PCSK2: variants seen among roughly 807,000 people sequenced by gnomAD.
PCSK2 encodes neuroendocrine convertase 2.
PCSK2 carries 14 observed loss-of-function variants against 69.7 expected under a neutral mutation model. That is an observed-to-expected ratio of 0.20 (90% confidence interval 0.13 to 0.31). The LOEUF is 0.31. Ranked by LOEUF, PCSK2 falls within the 10% of genes least tolerant of loss-of-function variation. The pLI is 1.00. For synonymous variants in PCSK2, 307 were observed against 320.7 expected (o/e 0.96, Z 0.46); for missense variants, 544 against 842.5 (o/e 0.65, Z 4.39).
intron 5 of PCSK2, among the ~76,000 whole-genome samples, chr20:17,385,961 A>G (rs1043388546): frequency 6.6e-6 from 1 of 152,214 alleles, no homozygotes; most frequent in Non-Finnish European, 1.5e-5. Flanking sequence ...CTGCCATATC[A>G]TTGGTGAATT....
intron 4 of PCSK2, among the ~76,000 whole-genome samples, chr20:17,367,764 C>G (rs1398489572): frequency 6.6e-6 from 1 of 152,166 alleles, no homozygotes; most frequent in Non-Finnish European, 1.5e-5. Context: ...TCCCAAAGCA[C>G]CGGGATTACA....
At chr20:17,236,615 A>G (rs534369663) in intron 1 of PCSK2, among the ~76,000 whole-genome samples, 23 of 152,296 alleles carry the variant, frequency 1.5e-4, no homozygotes, top group African/African-American at 5.5e-4. Context: ...AGTATTGCTT[A>G]TATTAGTTCT....
At chr20:17,353,194 G>A (rs2030054260) in intron 2 of PCSK2, among the ~76,000 whole-genome samples, 1 of 152,110 alleles carries the variant, frequency 6.6e-6, no homozygotes, top group African/African-American at 2.4e-5. Flanking sequence ...TGGATGCGGT[G>A]GCTCATGCCT....
At chr20:17,313,191 C>T (rs1989571452) in intron 2 of PCSK2, among the ~76,000 whole-genome samples, 1 of 152,186 alleles carries the variant, frequency 6.6e-6, no homozygotes, top group African/African-American at 2.4e-5. Flanking sequence ...GATAGTTACA[C>T]TCTTATTTTC....
chr20:17,285,191 GA>G (rs1454936891), intron 2 of PCSK2, among the ~76,000 whole-genome samples: 2 of 152,182 alleles, frequency 1.3e-5, no homozygotes, highest in South Asian at 2.1e-4. Context: ...AAGGGTTGAA[GA>G]AAGCAGAAAC....
intron 2 of PCSK2, among the ~76,000 whole-genome samples, chr20:17,335,320 CA>C (rs1185307173): frequency 5.9e-5 from 9 of 152,172 alleles, no homozygotes; most frequent in African/African-American, 1.9e-4. Context: ...ACCATAGCCT[CA>C]GGGGGCTCAG....
chr20:17,244,964 C>T (rs1986718721), intron 1 of PCSK2, among the ~76,000 whole-genome samples: 2 of 152,184 alleles, frequency 1.3e-5, no homozygotes, highest in South Asian at 4.1e-4. Context: ...TTATCTGCCC[C>T]TTGGTTTCTT....
intron 7 of PCSK2, among the ~76,000 whole-genome samples, chr20:17,430,371 T>C (rs992565092): frequency 6.6e-6 from 1 of 152,228 alleles, no homozygotes; most frequent in Non-Finnish European, 1.5e-5. Context: ...ACCTTGTTTT[T>C]CTTTTTTCTT....
chr20:17,309,395 T>G (rs1359327511), intron 2 of PCSK2, among the ~76,000 whole-genome samples: 1 of 152,142 alleles, frequency 6.6e-6, no homozygotes, highest in East Asian at 1.9e-4. Flanking sequence ...TCTCCAAAAT[T>G]TATTTAAAAA....
intron 2 of PCSK2, among the ~76,000 whole-genome samples, chr20:17,319,639 C>G (rs1989804536): frequency 6.6e-6 from 1 of 151,714 alleles, no homozygotes; most frequent in Admixed American, 6.6e-5. Context: ...TTGGCCAGGT[C>G]TAGGGCCAGT....
chr20:17,334,484 C>T (rs367895031), intron 2 of PCSK2, among the ~76,000 whole-genome samples: 129 of 152,282 alleles, frequency 8.5e-4, no homozygotes, highest in African/African-American at 3.0e-3. Flanking sequence ...TGGTGCTTCT[C>T]TCTCAGTGTG....
intron 5 of PCSK2, among the ~76,000 whole-genome samples, chr20:17,408,532 G>T (rs1247249799): frequency 1.3e-5 from 2 of 152,156 alleles, no homozygotes; most frequent in South Asian, 2.1e-4. Context: ...ATGCTGTAGG[G>T]CATAAGAGTT....
At chr20:17,318,758 C>A (rs557635805) in intron 2 of PCSK2, among the ~76,000 whole-genome samples, 2 of 152,360 alleles carry the variant, frequency 1.3e-5, no homozygotes, top group African/African-American at 4.8e-5. Context: ...CTTCTGCTTT[C>A]AGCAGCTTTG....
rs746184772 is a variant in PCSK2, at chr20:17,227,472, G to A, written c.167G>A (p.Gly56Glu). The change falls in exon 1 of 12, where the codon GGA becomes GAA. Residue 56 changes from glycine to glutamate, a missense_variant. Physicochemically the swap from Gly to Glu is moderately conservative, Grantham distance 98 (BLOSUM62 -2). This residue lies in a region of PCSK2 where 157 missense variants were observed against 155.0 expected (regional missense o/e 1.01). Transcript: ENST00000262545. Reference sequence around the variant, plus strand: ...CAAGTTGCAGCAGAACACGGCTTTGGAGTCCGAAAGGTAAGCTCTCCCATG... The same window carrying A: ...CAAGTTGCAGCAGAACACGGCTTTGAAGTCCGAAAGGTAAGCTCTCCCATG... ...ARQVAAEHGF[G>E]VRKLPFAEGL... The A allele has an allele frequency of 6.8e-6, 11 of 1,613,788 alleles. No homozygotes were observed. The highest frequency in any genetic ancestry group is 8.5e-6 in the Non-Finnish European group (10 of 1,179,786).
upstream of PCSK2, among the ~76,000 whole-genome samples, chr20:17,226,780 G>C (rs1985918845): frequency 6.8e-6 from 1 of 148,138 alleles, no homozygotes. Context: ...GGTGCTGAAA[G>C]GGGCGGGGGC....
At chr20:17,422,955 T>C (rs2032164326) in intron 6 of PCSK2, among the ~76,000 whole-genome samples, 1 of 152,206 alleles carries the variant, frequency 6.6e-6, no homozygotes, top group Non-Finnish European at 1.5e-5. Flanking sequence ...CACCACATAC[T>C]GAGCATAAAT....
intron 2 of PCSK2, among the ~76,000 whole-genome samples, chr20:17,270,328 G>A (rs1245514171): frequency 1.3e-5 from 2 of 152,066 alleles, no homozygotes; most frequent in Non-Finnish European, 2.9e-5. Flanking sequence ...CGGTCTTAAA[G>A]CCAAACCAAG....
intron 1 of PCSK2, among the ~76,000 whole-genome samples, chr20:17,244,647 A>G (rs1032114194): frequency 6.6e-6 from 1 of 152,204 alleles, no homozygotes; most frequent in African/African-American, 2.4e-5. Flanking sequence ...CTTTCCAGTT[A>G]ATAAATTATG....
At chr20:17,406,889 A>G (rs1049790446) in intron 5 of PCSK2, among the ~76,000 whole-genome samples, 1 of 152,050 alleles carries the variant, frequency 6.6e-6, no homozygotes. Context: ...AGATTCATAC[A>G]GCCTTCCAGA....
Sources: gnomAD v4.1 joint callset for allele counts (sites outside exome capture counted in the v4.1 genomes callset) on GRCh38, gnomAD v4.1.1 for gene constraint, gnomAD v4.1.1 regional missense constraint, MANE v1.5 for transcripts, NCBI Gene and HGNC (gene_info 2026-07-23, HGNC 2026-07-21) for gene names.